SMCHD1: variants seen among roughly 807,000 people sequenced by gnomAD.
SMCHD1 encodes the protein structural maintenance of chromosomes flexible hinge domain-containing protein 1.
Under a neutral mutation model 254.7 loss-of-function variants are expected in SMCHD1, and 78 were observed. The ratio of observed to expected loss-of-function variants is 0.31; its 90% CI spans 0.26 to 0.37. The LOEUF is 0.37. Ranked by LOEUF, SMCHD1 falls within the 10% of genes least tolerant of loss-of-function variation. SMCHD1 has a pLI of 1.00. For missense variants in SMCHD1, 1,840 were observed against 2,408.1 expected, an observed-to-expected ratio of 0.76 and a Z score of 4.94; for synonymous variants, 766 against 794.9, an observed-to-expected ratio of 0.96 and a Z score of 0.61.
intron 47 of SMCHD1, among the ~76,000 whole-genome samples, chr18:2,800,103 A>G (rs2076333200): frequency 6.6e-6 from 1 of 152,070 alleles, no homozygotes; most frequent in African/African-American, 2.4e-5. Context: ...ATAATAGGAG[A>G]CAGTCTGCCT....
chr18:2,660,207 C>T (rs1450615371), intron 1 of SMCHD1, among the ~76,000 whole-genome samples: 1 of 151,994 alleles, frequency 6.6e-6, no homozygotes, highest in Non-Finnish European at 1.5e-5. Context: ...GCCTGTAATC[C>T]CAGCTACTCG....
At chr18:2,796,555 T>G (rs2076268001) in intron 47 of SMCHD1, 34 bp downstream of exon 47, 2 of 1,400,482 alleles carry the variant, frequency 1.4e-6, no homozygotes. Context: ...TATGCTTGGT[T>G]AGTTTACCAA....
At chr18:2,690,516 G>A (rs745678633) in intron 7 of SMCHD1, among the ~76,000 whole-genome samples, 7 of 152,036 alleles carry the variant, frequency 4.6e-5, no homozygotes, top group Admixed American at 1.3e-4. Context: ...CTCTTGCCCA[G>A]GCTGGAGTGC....
At chr18:2,757,756 T>G (rs1390561827) in intron 34 of SMCHD1, among the ~76,000 whole-genome samples, 1 of 152,154 alleles carries the variant, frequency 6.6e-6, no homozygotes, top group Non-Finnish European at 1.5e-5. Context: ...TTTTGTCTGT[T>G]TCACCTAGCA....
At chr18:2,701,135 G>T (rs2143187488) in intron 12 of SMCHD1, 9 of 345,382 alleles carry the variant, frequency 2.6e-5, no homozygotes, top group South Asian at 1.1e-4. Context: ...GGTTTGGATA[G>T]AATTTACATA....
At chr18:2,706,837 C>T (rs2074525911) in intron 15 of SMCHD1, among the ~76,000 whole-genome samples, 1 of 152,116 alleles carries the variant, frequency 6.6e-6, no homozygotes, top group African/African-American at 2.4e-5. Flanking sequence ...CTACCTGAGA[C>T]TGGGTAATTT....
At chr18:2,750,540 A>G in intron 32 of SMCHD1, 33 bp downstream of exon 32, 7 of 1,532,896 alleles carry the variant, frequency 4.6e-6, no homozygotes, top group Non-Finnish European at 6.2e-6. Context: ...TAAATCTATA[A>G]TGATAATTTG....
intron 45 of SMCHD1, among the ~76,000 whole-genome samples, chr18:2,789,921 C>T (rs1278291648): frequency 6.6e-6 from 1 of 152,196 alleles, no homozygotes; most frequent in Non-Finnish European, 1.5e-5. Flanking sequence ...TGGTGGCTCA[C>T]GCCTGTAATC....
At chr18:2,710,547 A>C (rs974838966) in intron 17 of SMCHD1, among the ~76,000 whole-genome samples, 1 of 152,168 alleles carries the variant, frequency 6.6e-6, no homozygotes, top group African/African-American at 2.4e-5. Flanking sequence ...AACTTTGCTG[A>C]GTTTATTAGC....
At chr18:2,661,421 A>C (rs1392411365) in intron 1 of SMCHD1, among the ~76,000 whole-genome samples, 1 of 150,250 alleles carries the variant, frequency 6.7e-6, no homozygotes, top group Non-Finnish European at 1.5e-5. Context: ...AATATGGATT[A>C]GAAATCTGTG....
intron 3 of SMCHD1, among the ~76,000 whole-genome samples, chr18:2,670,759 G>A (rs1378473508): frequency 6.6e-6 from 1 of 151,916 alleles, no homozygotes; most frequent in Non-Finnish European, 1.5e-5. Flanking sequence ...AAATTGGCCA[G>A]GCGTGGAGGT....
At chr18:2,700,952 G>T in intron 12 of SMCHD1, 34 bp downstream of exon 12, 1 of 1,425,752 alleles carries the variant, frequency 7.0e-7, no homozygotes, top group Non-Finnish European at 9.5e-7. Flanking sequence ...GTGAATATTT[G>T]CAAATGTTTT....
chr18:2,720,894 G>A (rs1371531003), intron 19 of SMCHD1, among the ~76,000 whole-genome samples: 1 of 152,154 alleles, frequency 6.6e-6, no homozygotes, highest in Non-Finnish European at 1.5e-5. Context: ...TGAGATTACA[G>A]GTTTGAGCCA....
intron 44 of SMCHD1, among the ~76,000 whole-genome samples, chr18:2,783,528 G>A (rs927248320): frequency 8.6e-5 from 13 of 151,264 alleles, no homozygotes; most frequent in African/African-American, 2.7e-4. Flanking sequence ...AGATTATGAC[G>A]TACTAAATCC....
intron 47 of SMCHD1, among the ~76,000 whole-genome samples, chr18:2,797,779 T>C (rs1257143112): frequency 6.6e-6 from 1 of 152,072 alleles, no homozygotes; most frequent in Non-Finnish European, 1.5e-5. Context: ...AAGCCAGTCA[T>C]GGTGGCGCAC....
chr18:2,751,171 G>A (rs936426308), intron 32 of SMCHD1, 107 bp from the exon 33 acceptor site: 17 of 622,274 alleles, frequency 2.7e-5, no homozygotes, highest in Middle Eastern at 4.1e-4. Context: ...TAAATAACGT[G>A]TGCTTTAAAC....
chr18:2,737,813 T>C (rs991311604), intron 25 of SMCHD1, among the ~76,000 whole-genome samples: 1 of 152,102 alleles, frequency 6.6e-6, no homozygotes, highest in African/African-American at 2.4e-5. Context: ...AAATAGAAAG[T>C]ATTGGGAGTT....
In SMCHD1 at chr18:2,718,744, A is replaced by C. The variant is rs1027517254; in HGVS notation, c.2458+310A>C. 3.3e-5 allele frequency among the ~76,000 whole-genome samples: 5 copies of C among 151,890 alleles called. No individual in the cohort carries two copies. The highest frequency in any genetic ancestry group is 1.2e-4 in the African/African-American group (5 of 41,344). On this transcript the variant is annotated intron_variant, in intron 19 of 47. Coordinates refer to ENST00000320876, the MANE Select transcript of SMCHD1 (RefSeq NM_015295.3). The surrounding 1 kb of genome is among the most constrained non-coding windows in gnomAD (Gnocchi z 4.6). Reference sequence around the variant, plus strand: ...CTTTTTGTATTTTTAGTAAAGACAAAGTTTCGCCATGTTGACTAGGCTGGT... The same window carrying C: ...CTTTTTGTATTTTTAGTAAAGACAACGTTTCGCCATGTTGACTAGGCTGGT...
chr18:2,796,109 T>C lies in SMCHD1; in HGVS notation c.5878+2T>C, dbSNP rs2076258951. On this transcript the variant is annotated splice_donor_variant, in intron 46 of 47. Transcript: ENST00000320876. LOFTEE classifies it high-confidence loss of function. ...TCAAACTAATAGAGGAAAAACTAGG[T>C]AAGTCTTTGCTTTTTGTTAACTTCT... 1.1e-5 allele frequency: 17 copies of C among 1,537,732 alleles called. No homozygotes were observed. In the East Asian group the frequency reaches 4.0e-4, roughly 36 times the overall value.
Sources: gnomAD v4.1 joint callset for allele counts (sites outside exome capture counted in the v4.1 genomes callset) on GRCh38, gnomAD v4.1.1 for gene constraint, Gnocchi (gnomAD v3.1) non-coding constraint, MANE v1.5 for transcripts, NCBI Gene and HGNC (gene_info 2026-07-23, HGNC 2026-07-21) for gene names.